Variants in MARCHF8 observed in about 807,000 individuals in gnomAD.
MARCHF8 encodes the protein E3 ubiquitin-protein ligase MARCHF8.
A neutral mutation model predicts 51.6 loss-of-function variants in MARCHF8; 40 were observed. The observed-to-expected ratio is 0.77, with a 90% CI of 0.60 to 1.01. The LOEUF is 1.01. MARCHF8 is among the 50% of genes least tolerant of loss of function. MARCHF8 has a pLI of 0.00. For missense variants in MARCHF8, 685 were observed against 708.6 expected (o/e 0.97, Z 0.38); for synonymous variants, 263 against 280.3 (o/e 0.94, Z 0.62).
intron 1 of MARCHF8, among the ~76,000 whole-genome samples, chr10:45,561,442 T>G (rs968380350): frequency 6.6e-6 from 1 of 151,528 alleles, no homozygotes. Context: ...ATCCGGCTAA[T>G]TTTTGTATTT....
chr10:45,573,376 C>T (rs1349144094), intron 1 of MARCHF8, among the ~76,000 whole-genome samples: 1 of 152,084 alleles, frequency 6.6e-6, no homozygotes, highest in Non-Finnish European at 1.5e-5. Context: ...AATTCCTTGC[C>T]TCCACTGTGA....
chr10:45,484,604 A>G (rs2042947835), intron 3 of MARCHF8, among the ~76,000 whole-genome samples: 1 of 152,224 alleles, frequency 6.6e-6, no homozygotes, highest in African/African-American at 2.4e-5. Flanking sequence ...GATAGGTGCT[A>G]TGAAGAAAGA....
chr10:45,576,641 CCCTGGTGT>C (rs1449205903), intron 1 of MARCHF8, among the ~76,000 whole-genome samples: 1 of 151,902 alleles, frequency 6.6e-6, no homozygotes, highest in Non-Finnish European at 1.5e-5. Flanking sequence ...CTTAATCACG[CCCTGGTGT>C]CCTGGCTCAA....
chr10:45,481,465 A>C (rs1444067816), intron 3 of MARCHF8, among the ~76,000 whole-genome samples: 1 of 152,200 alleles, frequency 6.6e-6, no homozygotes, highest in Non-Finnish European at 1.5e-5. Context: ...TGTAGCTCCC[A>C]TAATTCCCAT....
chr10:45,579,995 T>G (rs1488434450), intron 1 of MARCHF8, among the ~76,000 whole-genome samples: 1 of 84,262 alleles, frequency 1.2e-5, no homozygotes, highest in Non-Finnish European at 2.1e-5. Flanking sequence ...CCTGAAAGAC[T>G]CCGTCTCCAA....
intron 3 of MARCHF8, among the ~76,000 whole-genome samples, chr10:45,486,276 C>T (rs573832352): frequency 6.6e-6 from 1 of 152,212 alleles, no homozygotes; most frequent in Admixed American, 6.5e-5. Flanking sequence ...AAAATGTATT[C>T]AAGAAGGGGC....
At chr10:45,553,833 G>GCA (rs10597890) in intron 1 of MARCHF8, among the ~76,000 whole-genome samples, 17,359 of 150,766 alleles carry the variant, frequency 0.12, 1,298 homozygotes, top group Non-Finnish European at 0.16. Flanking sequence ...GCATGGACAT[G>GCA]CACACACACA....
chr10:45,465,624 G>C (rs754829713), intron 3 of MARCHF8, among the ~76,000 whole-genome samples: 2 of 152,172 alleles, frequency 1.3e-5, no homozygotes, highest in African/African-American at 4.8e-5. Flanking sequence ...GATGGCACTC[G>C]GATTAAGGCA....
At chr10:45,583,059 T>TA (rs1268382796) in intron 1 of MARCHF8, among the ~76,000 whole-genome samples, 1 of 152,194 alleles carries the variant, frequency 6.6e-6, no homozygotes, top group African/African-American at 2.4e-5. Flanking sequence ...AACAGTGGAA[T>TA]AAAATGTTTA....
At chr10:45,509,801 A>G (rs1481484238) in intron 2 of MARCHF8, among the ~76,000 whole-genome samples, 1 of 152,244 alleles carries the variant, frequency 6.6e-6, no homozygotes, top group Non-Finnish European at 1.5e-5. Flanking sequence ...TCTTATAAAT[A>G]AAACAGGTGA....
In MARCHF8 at chr10:45,491,542, TCAA is replaced by T. The variant is rs200196915; in HGVS notation, c.103-2128_103-2126del. On this transcript the variant is annotated intron_variant, in intron 2 of 7. Coordinates refer to ENST00000453424, the MANE Select transcript of MARCHF8 (RefSeq NM_001282866.2). ...CTGGGCAACAGAGCAAGACTCCGTA[TCAA>T]CAACAACAAAAAAAGACCAAGTTTA... is the stretch of plus-strand genomic sequence containing the variant. 2.7e-3 allele frequency among the ~76,000 whole-genome samples: 405 copies of T among 152,274 alleles called. 6 individuals are homozygous for T. In the East Asian group the frequency reaches 0.036, roughly 13 times the overall value.
chr10:45,492,431 G>A (rs981735156), intron 2 of MARCHF8, among the ~76,000 whole-genome samples: 12 of 152,030 alleles, frequency 7.9e-5, no homozygotes, highest in African/African-American at 2.9e-4. Flanking sequence ...CCAAGTAGCT[G>A]GGACTACAGG....
intron 2 of MARCHF8, among the ~76,000 whole-genome samples, chr10:45,513,560 CT>C (rs1477321099): frequency 1.3e-5 from 2 of 152,114 alleles, no homozygotes; most frequent in Non-Finnish European, 2.9e-5. Context: ...GATATATTTA[CT>C]GATGAAATAG....
chr10:45,585,243 C>G (rs1039888802), intron 1 of MARCHF8, among the ~76,000 whole-genome samples: 1 of 152,120 alleles, frequency 6.6e-6, no homozygotes, highest in Non-Finnish European at 1.5e-5. Context: ...CCTGACCATA[C>G]ACAAAGAGAA....
chr10:45,498,031 G>A (rs563915417), intron 2 of MARCHF8, among the ~76,000 whole-genome samples: 21 of 152,108 alleles, frequency 1.4e-4, no homozygotes, highest in Non-Finnish European at 2.5e-4. Flanking sequence ...AAAACTACAG[G>A]TAACATTATA....
chr10:45,472,691 C>T (rs1420782470), intron 3 of MARCHF8, among the ~76,000 whole-genome samples: 1 of 152,174 alleles, frequency 6.6e-6, no homozygotes, highest in Non-Finnish European at 1.5e-5. Flanking sequence ...TTTAAACCTG[C>T]CCCCCTTCCA....
At chr10:45,567,240 T>G (rs1381078506) in intron 1 of MARCHF8, among the ~76,000 whole-genome samples, 3 of 152,192 alleles carry the variant, frequency 2.0e-5, no homozygotes, top group African/African-American at 7.2e-5. Flanking sequence ...TCTCTTCCTT[T>G]TGTTGACTGT....
chr10:45,492,454 T>C (rs1274397729), intron 2 of MARCHF8, among the ~76,000 whole-genome samples: 1 of 152,070 alleles, frequency 6.6e-6, no homozygotes, highest in Non-Finnish European at 1.5e-5. Flanking sequence ...CCCACCACCA[T>C]GTCCGGCTCA....
chr10:45,492,886 T>C (rs555459207), intron 2 of MARCHF8, among the ~76,000 whole-genome samples: 2 of 152,362 alleles, frequency 1.3e-5, no homozygotes, highest in East Asian at 3.9e-4. Context: ...TTGGAATATT[T>C]GCATTATACT....
Sources: allele counts gnomAD v4.1 joint callset (sites outside exome capture counted in the v4.1 genomes callset), GRCh38; gene constraint gnomAD v4.1.1; transcripts MANE v1.5; gene names NCBI Gene and HGNC (gene_info 2026-07-23, HGNC 2026-07-21).